The following PID1 variants were observed in gnomAD, a reference collection of about 807,000 sequenced individuals.
The protein encoded by PID1 is phosphotyrosine interaction domain containing 1.
PID1 carries 10 observed loss-of-function variants against 19.1 expected under a neutral mutation model. The observed-to-expected ratio is 0.52, with a 90% CI of 0.32 to 0.89. PID1 has a LOEUF of 0.89. Among genes scored for constraint, PID1 ranks in the 40% least tolerant of loss-of-function variants. PID1 has a pLI of 0.03. For missense variants in PID1, 248 were observed against 285.3 expected (o/e 0.87, Z 0.94); for synonymous variants, 130 against 116.0 (o/e 1.12, Z -0.78).
chr2:229,157,272 A>T (rs1438132810), intron 1 of PID1, among the ~76,000 whole-genome samples: 1 of 152,062 alleles, frequency 6.6e-6, no homozygotes, highest in Non-Finnish European at 1.5e-5. Context: ...TCTACTAAAA[A>T]TACAAAAATT....
intron 1 of PID1, among the ~76,000 whole-genome samples, chr2:229,190,673 G>A (rs1393331129): frequency 6.6e-6 from 1 of 152,206 alleles, no homozygotes; most frequent in Non-Finnish European, 1.5e-5. Flanking sequence ...ACTATATTGG[G>A]CAGACATTTT....
At chr2:229,268,392 A>C (rs1439559647) in intron 1 of PID1, among the ~76,000 whole-genome samples, 1 of 152,030 alleles carries the variant, frequency 6.6e-6, no homozygotes, top group African/African-American at 2.4e-5. Flanking sequence ...GATCTATCAC[A>C]CTCCCCTGGG....
chr2:229,207,665 C>T (rs948581681), intron 1 of PID1, among the ~76,000 whole-genome samples: 4 of 151,602 alleles, frequency 2.6e-5, no homozygotes, highest in African/African-American at 9.7e-5. Context: ...GATCACTTGA[C>T]AAAAATTCAG....
intron 1 of PID1, among the ~76,000 whole-genome samples, chr2:229,244,318 A>G (rs1689947078): frequency 1.3e-5 from 2 of 152,084 alleles, no homozygotes; most frequent in South Asian, 2.1e-4. Flanking sequence ...CAAATACAGA[A>G]CCAAGTATCC....
At chr2:229,058,866 T>A (rs1434381070) in intron 2 of PID1, among the ~76,000 whole-genome samples, 1 of 151,808 alleles carries the variant, frequency 6.6e-6, no homozygotes, top group Non-Finnish European at 1.5e-5. Context: ...CAAAACCACA[T>A]CTTAAAAGAG....
Position 229,151,544 on chromosome 2 carries a change from A to C in PID1, c.177+4274T>G, listed in dbSNP as rs1008867216. Among the ~76,000 whole-genome samples, 5 of 151,338 alleles carry C rather than the reference A, an allele frequency of 3.3e-5. No homozygotes were observed. The East Asian group carries it at 7.8e-4, about 23-fold the overall frequency. ...TTAATGTCAGTTCTGTGTTATTGTC[A>C]GTTCTGTGTTATTAAGACTTCTATT... On this transcript the variant is annotated intron_variant, in intron 2 of 2. Transcript: ENST00000392055.
At chr2:229,261,771 A>G (rs930778700) in intron 1 of PID1, among the ~76,000 whole-genome samples, 3 of 152,186 alleles carry the variant, frequency 2.0e-5, no homozygotes, top group Non-Finnish European at 4.4e-5. Context: ...ACACTGACAG[A>G]GCAGTTCTGC....
intron 1 of PID1, among the ~76,000 whole-genome samples, chr2:229,237,824 C>A (rs1689754969): frequency 6.6e-6 from 1 of 152,042 alleles, no homozygotes; most frequent in South Asian, 2.1e-4. Context: ...TTGAAGCAAA[C>A]CATGGAAAGG....
Position 229,096,615 on chromosome 2 carries a change from T to C in PID1, c.177+59203A>G, listed in dbSNP as rs1401714769. 2.6e-5 allele frequency among the ~76,000 whole-genome samples: 4 copies of C among 152,156 alleles called. No homozygotes were observed. In the East Asian group the frequency reaches 5.8e-4, roughly 22 times the overall value. Reference sequence around the variant, plus strand: ...ATTATTGGTCTTTCCCTTCTAGTGGTTGAGCTAGATGATAATAATATAAAT... The same window carrying C: ...ATTATTGGTCTTTCCCTTCTAGTGGCTGAGCTAGATGATAATAATATAAAT... On this transcript the variant is annotated intron_variant, in intron 2 of 2. Coordinates refer to ENST00000392055, the MANE Select transcript of PID1 (RefSeq NM_001100818.2).
intron 2 of PID1, among the ~76,000 whole-genome samples, chr2:229,092,958 T>C (rs2396614): frequency 0.62 from 94,058 of 151,864 alleles, 31,888 homozygotes; most frequent in Non-Finnish European, 0.77. Context: ...TCCCAGCAAT[T>C]GACTCCACTG....
intron 1 of PID1, among the ~76,000 whole-genome samples, chr2:229,242,052 G>A (rs1325546869): frequency 1.3e-5 from 2 of 150,162 alleles, no homozygotes; most frequent in Admixed American, 1.3e-4. Context: ...TTTTTGAGAT[G>A]GGATCTCACT....
chr2:229,090,638 C>T (rs1319712789), intron 2 of PID1, among the ~76,000 whole-genome samples: 1 of 152,142 alleles, frequency 6.6e-6, no homozygotes, highest in Non-Finnish European at 1.5e-5. Context: ...TCTTATATCC[C>T]ATAGTTTTTG....
At chr2:229,256,036 G>C (rs1690285977) in intron 1 of PID1, among the ~76,000 whole-genome samples, 1 of 152,168 alleles carries the variant, frequency 6.6e-6, no homozygotes, top group Admixed American at 6.5e-5. Context: ...CCAAGGACCT[G>C]GTTCTGTTTC....
intron 2 of PID1, among the ~76,000 whole-genome samples, chr2:229,051,209 T>A (rs763587639): frequency 4.6e-5 from 7 of 152,152 alleles, no homozygotes; most frequent in African/African-American, 9.7e-5. Flanking sequence ...TCCAGAGAAT[T>A]TTATTAGAAG....
Position 229,151,471 on chromosome 2 carries a change from T to A in PID1, c.177+4347A>T, listed in dbSNP as rs79215638. Reference sequence around the variant, plus strand: ...ATGAGGATGAAATGGCTCTATGCCATGAAAAGTGCATAGATGAGTGCTTAA... The same window carrying A: ...ATGAGGATGAAATGGCTCTATGCCAAGAAAAGTGCATAGATGAGTGCTTAA... On this transcript the variant is annotated intron_variant, in intron 2 of 2. Transcript: ENST00000392055. Among the ~76,000 whole-genome samples, 530 of 152,334 alleles carry A rather than the reference T, an allele frequency of 3.5e-3. 15 individuals are homozygous for A. In the East Asian group the frequency reaches 0.088, roughly 25 times the overall value.
At chr2:229,033,701 A>G (rs1279165382) in intron 2 of PID1, among the ~76,000 whole-genome samples, 1 of 152,228 alleles carries the variant, frequency 6.6e-6, no homozygotes, top group Non-Finnish European at 1.5e-5. Context: ...AAAATATTTT[A>G]CTGTTTTTCC....
intron 2 of PID1, among the ~76,000 whole-genome samples, chr2:229,139,115 G>GAAAGAGAAAGAAAGAAAGAA (rs1210728895): frequency 4.4e-4 from 21 of 48,050 alleles, no homozygotes; most frequent in African/African-American, 1.0e-3. Flanking sequence ...AAGAAAGAAA[G>GAAAGAGAAAGAAAGAAAGAA]AGAAAGAAAG....
At chr2:229,223,404 T>C (rs1337846837) in intron 1 of PID1, among the ~76,000 whole-genome samples, 1 of 152,246 alleles carries the variant, frequency 6.6e-6, no homozygotes, top group Non-Finnish European at 1.5e-5. Flanking sequence ...ATGGTGTTTC[T>C]TATGCATTGG....
intron 1 of PID1, among the ~76,000 whole-genome samples, chr2:229,264,821 C>A (rs929089349): frequency 3.0e-4 from 46 of 152,306 alleles, no homozygotes; most frequent in African/African-American, 1.1e-3. Context: ...CAACTATGCC[C>A]TTCTTCTCAC....
Sources: gnomAD v4.1 joint callset for allele counts (sites outside exome capture counted in the v4.1 genomes callset) on GRCh38, gnomAD v4.1.1 for gene constraint, MANE v1.5 for transcripts, NCBI Gene and HGNC (gene_info 2026-07-23, HGNC 2026-07-21) for gene names.